HTT: variants seen among roughly 807,000 people sequenced by gnomAD.
HTT encodes the protein huntington disease protein.
Under a neutral mutation model 362.3 loss-of-function variants are expected in HTT, and 104 were observed. The ratio of observed to expected loss-of-function variants is 0.29; its 90% CI spans 0.24 to 0.34. HTT has a LOEUF of 0.34. Among genes scored for constraint, HTT ranks in the 10% least tolerant of loss-of-function variants. The probability of loss-of-function intolerance (pLI) is 1.00; values close to 1 mark genes in which losing one functional copy is unlikely to be tolerated. For missense variants in HTT, 3,301 were observed against 3,928.6 expected, an observed-to-expected ratio of 0.84 and a Z score of 4.27; for synonymous variants, 1,577 against 1,548.7, an observed-to-expected ratio of 1.02 and a Z score of -0.43.
chr4:3,081,822 G>C (rs186609629), intron 1 of HTT, among the ~76,000 whole-genome samples: 1 of 151,416 alleles, frequency 6.6e-6, no homozygotes, highest in Admixed American at 6.6e-5. Flanking sequence ...CTCCCAAAGT[G>C]CTGGGATTAC....
At chr4:3,114,966 C>G (rs1714944525) in intron 6 of HTT, among the ~76,000 whole-genome samples, 1 of 152,162 alleles carries the variant, frequency 6.6e-6, no homozygotes, top group African/African-American at 2.4e-5. Context: ...GTACTCTTTT[C>G]TCCTTAACTT....
At chr4:3,180,441 G>T in intron 35 of HTT, 74 bp from the exon 36 acceptor site, 1 of 1,335,732 alleles carries the variant, frequency 7.5e-7, no homozygotes, top group Non-Finnish European at 1.0e-6. Flanking sequence ...AAAGCATTTT[G>T]TAGATGTTGA....
At chr4:3,192,843 T>G (rs1719068746) in intron 40 of HTT, among the ~76,000 whole-genome samples, 1 of 152,256 alleles carries the variant, frequency 6.6e-6, no homozygotes, top group African/African-American at 2.4e-5. Flanking sequence ...TTGGTCCATT[T>G]GAGGATACTC....
chr4:3,102,665 C>T (rs1309496474), intron 3 of HTT, among the ~76,000 whole-genome samples: 5 of 152,194 alleles, frequency 3.3e-5, no homozygotes, highest in East Asian at 1.9e-4. Context: ...GCCCATGCCA[C>T]GGTTAAAGAG....
chr4:3,219,198 C>T (rs935147817), intron 52 of HTT, among the ~76,000 whole-genome samples: 6 of 152,136 alleles, frequency 3.9e-5, no homozygotes, highest in Admixed American at 2.0e-4. Context: ...GGGTTGCTCT[C>T]GGCCCCACTC....
chr4:3,243,799 C>T lies in HTT; in HGVS notation c.*3740C>T, dbSNP rs1560612649. 6.6e-6 allele frequency: 1 copy of T among 152,298 alleles called. No individual in the cohort carries two copies. 9.4% of individuals were successfully genotyped at this position (152,298 alleles called of 1,614,324 possible). ...AGGGACTGTCAGCTGAGCTTGAGCT[C>T]CCCTGGAGCCAGCAGGGCTGTGATG... On this transcript the variant is annotated 3_prime_UTR_variant, in exon 67 of 67. Coordinates refer to ENST00000355072, the MANE Select transcript of HTT (RefSeq NM_001388492.1).
Position 3,140,632 on chromosome 4 carries a change from A to G in HTT, c.2921A>G (p.His974Arg), listed in dbSNP as rs765673009. 4 of 1,613,976 alleles carry G rather than the reference A, an allele frequency of 2.5e-6. No individual in the cohort carries two copies. Among genetic ancestry groups the G allele is most frequent in the Non-Finnish European group, 3.4e-6 (4 of 1,179,858 alleles). The change falls in exon 22 of 67, where the codon CAT (histidine) becomes CGT (arginine). Residue 974 changes from histidine (H) to arginine (R), a missense_variant. Transcript: ENST00000355072. ...LLMHETQPPS[H>R]FSVSTITRIY... Reference sequence around the variant, plus strand: ...ATGCATGAGACGCAGCCTCCATCTCATTTCTCCGTCAGCACAATAACCAGG... The same window carrying G: ...ATGCATGAGACGCAGCCTCCATCTCGTTTCTCCGTCAGCACAATAACCAGG...
intron 51 of HTT, among the ~76,000 whole-genome samples, chr4:3,216,585 G>C (rs1720410921): frequency 6.6e-6 from 1 of 152,224 alleles, no homozygotes; most frequent in South Asian, 2.1e-4. Flanking sequence ...TTGGCGGTTT[G>C]AGTTAGAGCA....
chr4:3,237,088 T>C (rs1032941385), intron 64 of HTT, among the ~76,000 whole-genome samples: 4 of 152,164 alleles, frequency 2.6e-5, no homozygotes, highest in Non-Finnish European at 4.4e-5. Flanking sequence ...TTCTTTTCTT[T>C]TTGAGATGGA....
At position 3,125,564 on chromosome 4, in the gene HTT, G is replaced by A. The variant is rs746623367; in HGVS notation, c.1337G>A (p.Gly446Glu). The stretch of plus-strand genomic sequence containing the variant: ...TATTTACTAGGCAAAGTGCTCTTAG[G>A]AGAAGAAGAAGCCTTGGAGGATGAC... ...SRKQKGKVLL[G>E]EEEALEDDSE... is the part of the protein sequence containing the mutation. Residue 446 changes from glycine (G) to glutamate (E), a missense_variant, in exon 11 of 67, where the codon GGA becomes GAA. Gly to Glu is a moderately conservative substitution (Grantham distance 98, BLOSUM62 -2). Coordinates refer to ENST00000355072, the MANE Select transcript of HTT (RefSeq NM_001388492.1). The A allele has an allele frequency of 6.2e-6, 10 of 1,613,174 alleles. No individual in the cohort carries two copies. In the South Asian group the frequency reaches 8.8e-5, roughly 14 times the overall value.
rs927925501 is a variant in HTT at position 3,233,017 on chromosome 4, C to T, written c.8266-146C>T. Reference sequence around the variant, plus strand: ...ACCAGCCAGGGGCCAGCCTTGCACACAGGCCTCTCAGGATGGTCTCCGGCC... The same window carrying T: ...ACCAGCCAGGGGCCAGCCTTGCACATAGGCCTCTCAGGATGGTCTCCGGCC... On this transcript the variant is annotated intron_variant, in intron 60 of 66. Transcript: ENST00000355072. 3 of 616,248 alleles carry T rather than the reference C, an allele frequency of 4.9e-6. No individual in the cohort carries two copies. In the African/African-American group the frequency reaches 5.4e-5, roughly 11 times the overall value. 38.2% of individuals were successfully genotyped at this position (616,248 alleles called of 1,614,324 possible).
At position 3,178,403 on chromosome 4, in the gene HTT, C is replaced by T. The variant is rs1305723764; in HGVS notation, c.4569C>T (p.Leu1523=). Residue 1523 remains leucine (L), a synonymous_variant, in exon 35 of 67, where the codon CTC becomes CTT. Transcript: ENST00000355072. ...QIIGIPKIIQ[L]CDGIMASGRK... ...TTGGAATTCCTAAAATCATTCAGCT[C>T]TGTGATGGCATCATGGCCAGTGGAA... is the stretch of plus-strand genomic sequence containing the variant. 3 of 1,613,730 alleles carry T rather than the reference C, an allele frequency of 1.9e-6. No homozygotes were observed. Among genetic ancestry groups the T allele is most frequent in the Non-Finnish European group, 2.5e-6 (3 of 1,179,794 alleles).
At chr4:3,182,295 C>T (rs917898431) in intron 36 of HTT, 59 bp from the exon 37 acceptor site, 10 of 1,034,416 alleles carry the variant, frequency 9.7e-6, no homozygotes, top group South Asian at 4.0e-5. Context: ...CAGACGGACA[C>T]GTAGGGGTGG....
chr4:3,151,131 G>T (rs1339243877), intron 26 of HTT, among the ~76,000 whole-genome samples: 2 of 152,086 alleles, frequency 1.3e-5, no homozygotes, highest in Non-Finnish European at 2.9e-5. Context: ...TCTCAGGCCA[G>T]TGGTGGCATT....
intron 1 of HTT, among the ~76,000 whole-genome samples, chr4:3,075,866 G>A (rs1452783783): frequency 1.3e-5 from 2 of 149,326 alleles, no homozygotes; most frequent in African/African-American, 5.1e-5. Flanking sequence ...TGGTTGCCAA[G>A]TAAAGTGGTG....
intron 55 of HTT, 109 bp from the exon 56 acceptor site, chr4:3,223,883 G>T: frequency 1.8e-6 from 2 of 1,109,802 alleles, no homozygotes; most frequent in African/African-American, 1.6e-5. Flanking sequence ...AGTTTCATTT[G>T]GTATTACACC....
At chr4:3,144,731 T>C (rs1304215191) in intron 23 of HTT, among the ~76,000 whole-genome samples, 5 of 152,242 alleles carry the variant, frequency 3.3e-5, no homozygotes, top group African/African-American at 1.2e-4. Context: ...TCGTAAACTT[T>C]GCTTATTTAT....
rs1422559180 is a variant in HTT at position 3,142,852 on chromosome 4, A to G, written c.3032A>G (p.His1011Arg). The G allele has an allele frequency of 3.2e-5, 52 of 1,610,798 alleles. No individual in the cohort carries two copies. Among genetic ancestry groups the G allele is most frequent in the Non-Finnish European group, 4.2e-5 (49 of 1,177,008 alleles). Residue 1011 changes from histidine (H) to arginine (R), a missense_variant, in exon 23 of 67, where the codon CAT becomes CGT. By Grantham distance (29) the His-to-Arg change is conservative. Coordinates refer to ENST00000355072, the MANE Select transcript of HTT (RefSeq NM_001388492.1). ...NLSRVIAAVS[H>R]ELITSTTRAL... Reference sequence around the variant, plus strand: ...TCAAGAGTTATTGCAGCAGTTTCTCATGAACTAATCACATCAACCACCAGA... The same window carrying G: ...TCAAGAGTTATTGCAGCAGTTTCTCGTGAACTAATCACATCAACCACCAGA...
intron 22 of HTT, 123 bp from the exon 23 acceptor site, chr4:3,142,643 C>G (rs1716404000): frequency 1.9e-6 from 1 of 520,884 alleles, no homozygotes; most frequent in Non-Finnish European, 3.4e-6. Context: ...CAGCCCGTTT[C>G]ACTTAAAAGT....
Sources: gnomAD v4.1 joint callset for allele counts (sites outside exome capture counted in the v4.1 genomes callset) on GRCh38, gnomAD v4.1.1 for gene constraint, MANE v1.5 for transcripts, NCBI Gene and HGNC (gene_info 2026-07-23, HGNC 2026-07-21) for gene names.